Variants in MEGF11 observed in about 807,000 individuals in gnomAD.
MEGF11 encodes multiple epidermal growth factor-like domains protein 11.
MEGF11 carries 126 observed loss-of-function variants against 146.6 expected under a neutral mutation model. The ratio of observed to expected loss-of-function variants is 0.86; its 90% CI spans 0.74 to 1.00. The LOEUF (loss-of-function observed/expected upper bound fraction) is 1.00. Ranked by LOEUF, MEGF11 falls within the 50% of genes least tolerant of loss-of-function variation. The probability of loss-of-function intolerance (pLI) is 0.00; values close to 1 mark genes in which losing one functional copy is unlikely to be tolerated. For missense variants in MEGF11, 1,509 were observed against 1,521.2 expected (o/e 0.99, Z 0.13); for synonymous variants, 532 against 583.4 (o/e 0.91, Z 1.27).
intron 8 of MEGF11, among the ~76,000 whole-genome samples, chr15:65,965,616 T>TCTTTCTTTCTTTCTTTCTTTCTTTC (rs1567180156): frequency 2.6e-5 from 3 of 115,516 alleles, no homozygotes; most frequent in Admixed American, 8.9e-5. Context: ...TTTTTTTCTT[T>TCTTTCTTTCTTTCTTTCTTTCTTTC]TTTTTTTTTT....
chr15:66,034,534 C>A (rs200727425), intron 5 of MEGF11, among the ~76,000 whole-genome samples: 26 of 152,152 alleles, frequency 1.7e-4, no homozygotes, highest in East Asian at 1.9e-4. Context: ...ATCCTCCCCG[C>A]TCAGCCTCCT....
At chr15:66,029,850 G>C (rs980747956) in intron 5 of MEGF11, among the ~76,000 whole-genome samples, 4 of 152,278 alleles carry the variant, frequency 2.6e-5, no homozygotes, top group Admixed American at 6.5e-5. Flanking sequence ...CGCTCCTCTA[G>C]GCTGAGCTGT....
chr15:65,944,864 C>T (rs2080131651), intron 10 of MEGF11, among the ~76,000 whole-genome samples: 1 of 151,630 alleles, frequency 6.6e-6, no homozygotes, highest in Non-Finnish European at 1.5e-5. Flanking sequence ...GGTCCATCCG[C>T]ATCCCCAACT....
chr15:66,238,241 T>C (rs1309961768), intron 1 of MEGF11, among the ~76,000 whole-genome samples: 1 of 149,330 alleles, frequency 6.7e-6, no homozygotes, highest in Non-Finnish European at 1.5e-5. Flanking sequence ...TGAGCTGATC[T>C]AGGCCAGAAA....
At chr15:66,192,070 T>A (rs1369754844) in intron 1 of MEGF11, among the ~76,000 whole-genome samples, 1 of 151,860 alleles carries the variant, frequency 6.6e-6, no homozygotes, top group Non-Finnish European at 1.5e-5. Flanking sequence ...ACAGCAAGAC[T>A]CCGTCTCAAA....
Position 65,897,846 on chromosome 15 carries a change from CTG to C in MEGF11, c.*86_*87del. 7.8e-7 allele frequency: 1 copy of C among 1,289,738 alleles called. No individual in the cohort carries two copies. Among genetic ancestry groups the C allele is most frequent in the Non-Finnish European group, 1.1e-6 (1 of 926,028 alleles). The allele number at this position is 1,289,738 out of a possible 1,614,324, so 79.9% of individuals were successfully genotyped here. ...TAACTAACATGCAGCTGGAGCCAGT[CTG>C]TACCATTACTTCAAGTCAAGGGACT... On this transcript the variant is annotated 3_prime_UTR_variant, in exon 26 of 26. Transcript: ENST00000395614.
At chr15:66,079,537 A>AAC (rs796735897) in intron 5 of MEGF11, among the ~76,000 whole-genome samples, 1 of 122,058 alleles carries the variant, frequency 8.2e-6, no homozygotes, top group Admixed American at 8.4e-5. Context: ...CTTCATTCAC[A>AAC]CCCCCCCCCC....
At position 65,897,826 on chromosome 15, in the gene MEGF11, A is replaced by G. The variant is rs2141122328; in HGVS notation, c.*108T>C. Reference sequence around the variant, plus strand: ...TTAGTTCCAGGTGAACGTAATAACTAACATGCAGCTGGAGCCAGTCTGTAC... The same window carrying G: ...TTAGTTCCAGGTGAACGTAATAACTGACATGCAGCTGGAGCCAGTCTGTAC... On this transcript the variant is annotated 3_prime_UTR_variant, in exon 26 of 26. Coordinates refer to ENST00000395614, the MANE Select transcript of MEGF11 (RefSeq NM_001385028.1). 9.8e-7 allele frequency: 1 copy of G among 1,025,416 alleles called. No individual in the cohort carries two copies. Among genetic ancestry groups the G allele is most frequent in the Non-Finnish European group, 1.4e-6 (1 of 716,944 alleles). 63.5% of individuals were successfully genotyped at this position (1,025,416 alleles called of 1,614,324 possible).
At chr15:65,958,564 A>G (rs1349822373) in intron 9 of MEGF11, among the ~76,000 whole-genome samples, 1 of 152,128 alleles carries the variant, frequency 6.6e-6, no homozygotes, top group Non-Finnish European at 1.5e-5. Flanking sequence ...CGCCACTTCC[A>G]GCTGGAACAC....
At chr15:66,072,028 A>C (rs776352774) in intron 5 of MEGF11, among the ~76,000 whole-genome samples, 2 of 152,210 alleles carry the variant, frequency 1.3e-5, no homozygotes, top group Admixed American at 6.5e-5. Context: ...TTCCCTGCTC[A>C]TCCAGGCAGG....
chr15:65,937,452 T>C lies in MEGF11; in HGVS notation c.1288-6509A>G, dbSNP rs531019158. 5.3e-5 allele frequency among the ~76,000 whole-genome samples: 8 copies of C among 152,340 alleles called. No homozygotes were observed. The South Asian group carries it at 1.7e-3, about 32-fold the overall frequency. On this transcript the variant is annotated intron_variant, in intron 10 of 25. Transcript: ENST00000395614. Reference sequence around the variant, plus strand: ...GTAGTCTATCTTCTCTTCCGATAGATTCATGTTAATGCAAGATAATGTACA... The same window carrying C: ...GTAGTCTATCTTCTCTTCCGATAGACTCATGTTAATGCAAGATAATGTACA...
At chr15:66,008,997 A>G (rs1221458527) in intron 5 of MEGF11, among the ~76,000 whole-genome samples, 1 of 152,208 alleles carries the variant, frequency 6.6e-6, no homozygotes, top group East Asian at 1.9e-4. Context: ...GGTGAGCTGG[A>G]GGCTGCTGAA....
At chr15:66,246,116 G>A (rs2092293052) in intron 1 of MEGF11, among the ~76,000 whole-genome samples, 1 of 152,222 alleles carries the variant, frequency 6.6e-6, no homozygotes, top group East Asian at 1.9e-4. Context: ...AATGAGCCAG[G>A]CATGGTGGTG....
chr15:66,140,839 T>C (rs919917995), intron 1 of MEGF11, among the ~76,000 whole-genome samples: 1 of 152,142 alleles, frequency 6.6e-6, no homozygotes, highest in Non-Finnish European at 1.5e-5. Flanking sequence ...GGCCTGGAAG[T>C]CTGAGCTCAG....
intron 1 of MEGF11, among the ~76,000 whole-genome samples, chr15:66,249,254 A>G (rs969159505): frequency 6.6e-6 from 1 of 152,150 alleles, no homozygotes; most frequent in African/African-American, 2.4e-5. Flanking sequence ...ATTCCTTAAG[A>G]ACACACTGCA....
chr15:66,164,418 G>A (rs546096266), intron 1 of MEGF11, among the ~76,000 whole-genome samples: 1 of 152,284 alleles, frequency 6.6e-6, no homozygotes, highest in Non-Finnish European at 1.5e-5. Context: ...TAGGGTAGTG[G>A]AGAGAATATT....
At chr15:66,128,730 C>G (rs1226271118) in intron 1 of MEGF11, among the ~76,000 whole-genome samples, 1 of 152,080 alleles carries the variant, frequency 6.6e-6, no homozygotes. Context: ...GTCCTCAGGC[C>G]CCCGGGCCCA....
chr15:66,016,859 G>A (rs190230391), intron 5 of MEGF11, among the ~76,000 whole-genome samples: 102 of 152,344 alleles, frequency 6.7e-4, no homozygotes, highest in Middle Eastern at 3.4e-3. Context: ...GGAAAGGGAT[G>A]CCTATAGAGA....
chr15:66,168,800 C>T (rs950248906), intron 1 of MEGF11, among the ~76,000 whole-genome samples: 2 of 152,104 alleles, frequency 1.3e-5, no homozygotes, highest in African/African-American at 4.8e-5. Context: ...TCAGCCTGGC[C>T]TACATAGTGA....
Sources: allele counts gnomAD v4.1 joint callset (sites outside exome capture counted in the v4.1 genomes callset), GRCh38; gene constraint gnomAD v4.1.1; transcripts MANE v1.5; gene names NCBI Gene and HGNC (gene_info 2026-07-23, HGNC 2026-07-21).